TIMM50: variants seen among roughly 807,000 people sequenced by gnomAD.
The protein encoded by TIMM50 is translocase of inner mitochondrial membrane 50, also known as mitochondrial import inner membrane translocase subunit TIM50.
In TIMM50, 34 loss-of-function variants were observed where a neutral mutation model predicts 49.6. That is an observed-to-expected ratio of 0.69 (90% CI 0.52 to 0.91). The LOEUF is 0.91. Among genes scored for constraint, TIMM50 ranks in the 40% least tolerant of loss-of-function variants. The pLI is 0.00. For missense variants in TIMM50, 458 were observed against 477.8 expected (o/e 0.96, Z 0.39); for synonymous variants, 199 against 198.4 (o/e 1.00, Z -0.03).
intron 4 of TIMM50, chr19:39,485,117 C>T (rs1472431871): frequency 5.5e-5 from 10 of 182,028 alleles, no homozygotes; most frequent in Admixed American, 1.6e-4. Context: ...CCACCACGCC[C>T]GGCTAATTTT....
rs770680837 is a variant in TIMM50, at chr19:39,480,912, G to C, written c.59G>C (p.Arg20Pro). The change falls in exon 1 of 11, where the codon CGG becomes CCG. Residue 20 changes from arginine to proline, a missense_variant. Physicochemically the swap from Arg to Pro is moderately radical, Grantham distance 103. Coordinates refer to ENST00000607714, the MANE Select transcript of TIMM50 (RefSeq NM_001001563.5). ...CGAAGCGGGCTCCGGCTCGGCTCGC[G>C]GGGACTGTGCACGAGGTTGGCGACG... is the stretch of plus-strand genomic sequence containing the variant. The part of the protein sequence containing the change: ...RLRSGLRLGS[R>P]GLCTRLATPP... 21 of 1,591,238 alleles carry C rather than the reference G, an allele frequency of 1.3e-5. No homozygotes were observed. In the East Asian group the frequency reaches 3.4e-4, roughly 26 times the overall value.
At position 39,490,614 on chromosome 19, in the gene TIMM50, T is replaced by C. The variant is rs563993714; in HGVS notation, c.*794T>C. The stretch of plus-strand genomic sequence containing the variant: ...CTTGGTGCCCAAGCTGGTCTCAAAC[T>C]CCTAGTCTTAAGCAATCTTCCTGCT... On this transcript the variant is annotated 3_prime_UTR_variant, in exon 11 of 11. Coordinates refer to ENST00000607714, the MANE Select transcript of TIMM50 (RefSeq NM_001001563.5). 7.2e-5 allele frequency: 11 copies of C among 152,190 alleles called. No homozygotes were observed. The East Asian group carries it at 2.1e-3, about 30-fold the overall frequency. The allele number at this position is 152,190 out of a possible 1,614,324, so 9.4% of individuals were successfully genotyped here.
rs4803247 is a variant in TIMM50 at position 39,486,094 on chromosome 19, G to A, written c.493-93G>A. 730,143 of 1,330,692 alleles carry A rather than the reference G, an allele frequency of 0.55. 203,418 individuals are homozygous for A. The highest frequency in any genetic ancestry group is 0.76 in the African/African-American group (52,073 of 68,756). The allele number at this position is 1,330,692 out of a possible 1,614,324, so 82.4% of individuals were successfully genotyped here. A position where few individuals can be genotyped will look rare whatever the true frequency, so the allele number is the denominator to read the frequency against. On this transcript the variant is annotated intron_variant, in intron 6 of 10. Coordinates refer to ENST00000607714, the MANE Select transcript of TIMM50 (RefSeq NM_001001563.5). ...CACAGAGACAGAGGGAGAGAACTCT[G>A]TTCTGGGAATCCCCCAGGCTGGATC...
Position 39,490,317 on chromosome 19 carries a change from A to C in TIMM50, c.*497A>C, listed in dbSNP as rs1568444000. ...GCTCCAGCCAGTGTGGCCCTGGGGT[A>C]AAGGGGGCCTGGAGTTGCTTGACAC... On this transcript the variant is annotated 3_prime_UTR_variant, in exon 11 of 11. Transcript: ENST00000607714. The C allele has an allele frequency of 1.3e-5, 2 of 153,596 alleles. No homozygotes were observed. The highest frequency in any genetic ancestry group is 1.3e-4 in the Admixed American group (2 of 15,420). 9.5% of individuals were successfully genotyped at this position (153,596 alleles called of 1,614,324 possible).
rs142321419 is a variant in TIMM50 at position 39,488,936 on chromosome 19, A to G, written c.960+291A>G. Among the ~76,000 whole-genome samples, 1,026 of 151,898 alleles carry G rather than the reference A, an allele frequency of 6.8e-3. 11 individuals carry two copies. Among genetic ancestry groups the G allele is most frequent in the African/African-American group, 0.023 (958 of 41,384 alleles). Reference sequence around the variant, plus strand: ...GATGGTCTTGAGTAGGTCTGGGGGCACCTTGTGGAGGTGGATTGTGGGTTT... The same window carrying G: ...GATGGTCTTGAGTAGGTCTGGGGGCGCCTTGTGGAGGTGGATTGTGGGTTT... On this transcript the variant is annotated intron_variant, in intron 10 of 10. Coordinates refer to ENST00000607714, the MANE Select transcript of TIMM50 (RefSeq NM_001001563.5).
At chr19:39,488,287 C>T (rs1332414987) in intron 9 of TIMM50, 70 bp downstream of exon 9, 2 of 1,539,080 alleles carry the variant, frequency 1.3e-6, no homozygotes, top group East Asian at 4.5e-5. Flanking sequence ...AGGATAAATG[C>T]ATGATTCATG....
At chr19:39,488,415 C>A in intron 9 of TIMM50, 124 bp from the exon 10 acceptor site, 2 of 1,078,896 alleles carry the variant, frequency 1.9e-6, no homozygotes, top group Non-Finnish European at 2.7e-6. Flanking sequence ...CCTTTCAGAG[C>A]GTTCAGAAGC....
chr19:39,485,494 G>T (rs1446040477), intron 4 of TIMM50, 50 bp from the exon 5 acceptor site: 2 of 1,612,318 alleles, frequency 1.2e-6, no homozygotes, highest in Non-Finnish European at 1.7e-6. Flanking sequence ...TGTCTGGGAG[G>T]TTGAACAGCG....
Position 39,488,198 on chromosome 19 carries a change from T to A in TIMM50, c.834T>A (p.Asp278Glu). 1 of 1,613,246 alleles carries A rather than the reference T, an allele frequency of 6.2e-7. No homozygotes were observed. The highest frequency in any genetic ancestry group is 8.5e-7 in the Non-Finnish European group (1 of 1,179,228). ...ACTCTGATGACCGGGTCTTGTTGGA[T>A]CTGTCTGCCTTCCTCAAGAGTAAGG... Reference protein sequence around the residue: ...DGNSDDRVLLDLSAFLKTIAL... With the variant: ...DGNSDDRVLLELSAFLKTIAL... The change falls in exon 9 of 11, where the codon GAT becomes GAA. Residue 278 changes from aspartate (D) to glutamate (E), a missense_variant. Coordinates refer to ENST00000607714, the MANE Select transcript of TIMM50 (RefSeq NM_001001563.5).
Position 39,480,860 on chromosome 19 carries a change from G to C in TIMM50, c.7G>C (p.Ala3Pro), listed in dbSNP as rs1212478077. 1.9e-6 allele frequency: 3 copies of C among 1,597,120 alleles called. No homozygotes were observed. Among genetic ancestry groups the C allele is most frequent in the East Asian group, 2.3e-5 (1 of 44,230 alleles). MA[A>P]SAAVFSRLRS... ...CGCGTGGCGTCAGCGCAAGATGGCG[G>C]CCTCGGCAGCGGTGTTCTCGCGCTT... Residue 3 changes from alanine (A) to proline (P), a missense_variant, in exon 1 of 11, where the codon GCC (alanine) becomes CCC (proline). By Grantham distance (27) the Ala-to-Pro change is conservative. Transcript: ENST00000607714.
chr19:39,485,627 C>T, intron 5 of TIMM50, 25 bp downstream of exon 5: 1 of 1,614,118 alleles, frequency 6.2e-7, no homozygotes, highest in Non-Finnish European at 8.5e-7. Context: ...TGGGCTCAGT[C>T]CCCATGTCTC....
At chr19:39,487,421 C>T (rs1036305904) in intron 8 of TIMM50, among the ~76,000 whole-genome samples, 2 of 152,130 alleles carry the variant, frequency 1.3e-5, no homozygotes, top group African/African-American at 4.8e-5. Flanking sequence ...TATAGGCACA[C>T]ACCACCATGC....
At position 39,493,262 on chromosome 19, in the gene TIMM50, T is replaced by C. The variant is rs1030109170; in HGVS notation, c.*3442T>C. On this transcript the variant is annotated 3_prime_UTR_variant, in exon 11 of 11. Transcript: ENST00000607714. ...AGGGAGGGGACCTGTGCTTTTTTTT[T>C]TGTTTTTTTGAGATGGAGTCTCTGT... The C allele has an allele frequency of 5.3e-5, 8 of 152,066 alleles. No homozygotes were observed. The highest frequency in any genetic ancestry group is 8.8e-5 in the Non-Finnish European group (6 of 68,026). 9.4% of individuals were successfully genotyped at this position (152,066 alleles called of 1,614,324 possible). A position where few individuals can be genotyped will look rare whatever the true frequency, so the allele number is the denominator to read the frequency against.
rs775277305 is a variant in TIMM50, at chr19:39,488,140, A to C, written c.776A>C (p.Tyr259Ser). ...CKKEAFRLQP[Y>S]NGVALRPWDG... ...AAGGAAGCCTTCCGCCTGCAGCCCT[A>C]TAACGGCGTTGCCCTGCGGCCCTGG... Residue 259 changes from tyrosine to serine, a missense_variant, in exon 9 of 11, where the codon TAT becomes TCT. Tyr to Ser is a moderately radical substitution (Grantham distance 144, BLOSUM62 -2). Coordinates refer to ENST00000607714, the MANE Select transcript of TIMM50 (RefSeq NM_001001563.5). The C allele has an allele frequency of 6.2e-7, 1 of 1,614,140 alleles. No homozygotes were observed. Among genetic ancestry groups the C allele is most frequent in the Non-Finnish European group, 8.5e-7 (1 of 1,179,964 alleles).
chr19:39,481,118 C>T, intron 1 of TIMM50, 157 bp downstream of exon 1: 1 of 983,726 alleles, frequency 1.0e-6, no homozygotes, highest in Non-Finnish European at 1.4e-6. Flanking sequence ...TGGGTGGTTG[C>T]TCCCCTAGGC....
At chr19:39,485,655 T>C (rs1191791172) in intron 5 of TIMM50, 33 bp from the exon 6 acceptor site, 2 of 1,613,996 alleles carry the variant, frequency 1.2e-6, no homozygotes, top group Non-Finnish European at 1.7e-6. Context: ...GGCCTCCTTG[T>C]CTGAGCGCCC....
In TIMM50 at chr19:39,492,897, A is replaced by C. The variant is rs1157586691; in HGVS notation, c.*3077A>C. ...AAAAAAAAAAAAAAAAAAAAACAAAAAAAAAACCAGTTTGACTTTATCTCC... is the reference window on the plus strand; with the variant it reads ...AAAAAAAAAAAAAAAAAAAAACAAACAAAAAACCAGTTTGACTTTATCTCC... On this transcript the variant is annotated 3_prime_UTR_variant, in exon 11 of 11. Coordinates refer to ENST00000607714, the MANE Select transcript of TIMM50 (RefSeq NM_001001563.5). 9 of 148,798 alleles carry C rather than the reference A, an allele frequency of 6.0e-5. No homozygotes were observed. Among genetic ancestry groups the C allele is most frequent in the Middle Eastern group, 3.2e-3 (1 of 308 alleles). The allele number at this position is 148,798 out of a possible 1,614,324, so 9.2% of individuals were successfully genotyped here.
intron 8 of TIMM50, 161 bp from the exon 9 acceptor site, chr19:39,487,900 G>C: frequency 9.3e-7 from 1 of 1,079,774 alleles, no homozygotes; most frequent in South Asian, 1.7e-5. Context: ...CCCTCTGTGG[G>C]GGTCGATGCC....
At chr19:39,488,472 C>T (rs2079522575) in intron 9 of TIMM50, 67 bp from the exon 10 acceptor site, 12 of 1,466,174 alleles carry the variant, frequency 8.2e-6, no homozygotes, top group South Asian at 1.1e-5. Context: ...CGGGACGTTC[C>T]CCTCATGGGC....
Sources: allele counts gnomAD v4.1 joint callset (sites outside exome capture counted in the v4.1 genomes callset), GRCh38; gene constraint gnomAD v4.1.1; transcripts MANE v1.5; gene names NCBI Gene and HGNC (gene_info 2026-07-23, HGNC 2026-07-21).